ELAVL3: variants seen among roughly 807,000 people sequenced by gnomAD.
ELAVL3 encodes the protein ELAV like RNA binding protein 3, also known as ELAV-like protein 3.
ELAVL3 carries 8 observed loss-of-function variants against 34.2 expected under a neutral mutation model. The observed-to-expected ratio is 0.23, with a 90% CI of 0.14 to 0.42. The LOEUF (loss-of-function observed/expected upper bound fraction) is 0.42. Ranked by LOEUF, ELAVL3 falls within the 10% of genes least tolerant of loss-of-function variation. The pLI is 1.00. For missense variants in ELAVL3, 273 were observed against 518.8 expected (o/e 0.53, Z 4.60); for synonymous variants, 209 against 222.1 (o/e 0.94, Z 0.53).
chr19:11,462,308 A>G (rs916103238), intron 3 of ELAVL3, among the ~76,000 whole-genome samples: 2 of 151,956 alleles, frequency 1.3e-5, no homozygotes, highest in Non-Finnish European at 1.5e-5. Context: ...AAAAAATCAC[A>G]TCAGCCATTG....
rs1256591230 is a variant in ELAVL3, at chr19:11,458,639, G to A, written c.334-28C>T. The A allele has an allele frequency of 2.5e-6, 4 of 1,611,218 alleles. No homozygotes were observed. Among genetic ancestry groups the A allele is most frequent in the Admixed American group, 3.3e-5 (2 of 59,952 alleles). Reference sequence around the variant, plus strand: ...GGGTGAGGGGGTCAGATGGACAGGGGTGAGGCAGAGACCCATTTCACAGAT... The same window carrying A: ...GGGTGAGGGGGTCAGATGGACAGGGATGAGGCAGAGACCCATTTCACAGAT... On this transcript the variant is annotated intron_variant, in intron 3 of 6. Transcript: ENST00000359227. The surrounding 1 kb of genome is among the most constrained non-coding windows in gnomAD (Gnocchi z 7.3).
intron 1 of ELAVL3, among the ~76,000 whole-genome samples, chr19:11,479,504 G>C (rs961967873): frequency 6.6e-6 from 1 of 152,090 alleles, no homozygotes; most frequent in Non-Finnish European, 1.5e-5. Context: ...CAAAGGACGC[G>C]CGGCGGCGCG....
In ELAVL3 at chr19:11,454,429, T is replaced by C; in HGVS notation, c.*97A>G. 8.2e-7 allele frequency: 1 copy of C among 1,215,602 alleles called. No individual in the cohort carries two copies. Among genetic ancestry groups the C allele is most frequent in the Non-Finnish European group, 1.1e-6 (1 of 894,600 alleles). 75.3% of individuals were successfully genotyped at this position (1,215,602 alleles called of 1,614,324 possible). ...CTCGCGTCGTCCGTGGGGCTGCCTG[T>C]GCTGTCTCTCTTGGGCCCCTTCTCT... On this transcript the variant is annotated 3_prime_UTR_variant, in exon 7 of 7. Transcript: ENST00000359227. This position sits in a 1 kb window ranked among gnomAD's most constrained non-coding sequence, Gnocchi z 9.2.
At position 11,466,077 on chromosome 19, in the gene ELAVL3, A is replaced by G. The variant is rs1971046687; in HGVS notation, c.333+95T>C. 1 of 1,099,668 alleles carries G rather than the reference A, an allele frequency of 9.1e-7. No homozygotes were observed. The highest frequency in any genetic ancestry group is 2.4e-5 in the East Asian group (1 of 41,244). The allele number at this position is 1,099,668 out of a possible 1,614,324, so 68.1% of individuals were successfully genotyped here. On this transcript the variant is annotated intron_variant, in intron 3 of 6. Transcript: ENST00000359227. This position sits in a 1 kb window ranked among gnomAD's most constrained non-coding sequence, Gnocchi z 5.0. ...GGGGATGAGTCCTGAAAGGCAGTGG[A>G]CATGGATGCATGGGGGCGGGTAGGT...
At chr19:11,479,556 T>G (rs964871619) in intron 1 of ELAVL3, among the ~76,000 whole-genome samples, 1 of 147,978 alleles carries the variant, frequency 6.8e-6, no homozygotes, top group African/African-American at 2.5e-5. Context: ...GGAGCCGGGG[T>G]GGGGCTATAA....
rs751905611 is a variant in ELAVL3, at chr19:11,454,889, G to A, written c.753-12C>T. On this transcript the variant is annotated splice_polypyrimidine_tract_variant and intron_variant, in intron 6 of 6. Transcript: ENST00000359227. This position sits in a 1 kb window ranked among gnomAD's most constrained non-coding sequence, Gnocchi z 9.2. ...TGAGCGACAGGGGACTACTTTGGGG[G>A]TCACGCGGGCTCTGCCCTGACCCCC... 2 of 1,585,162 alleles carry A rather than the reference G, an allele frequency of 1.3e-6. No individual in the cohort carries two copies. The highest frequency in any genetic ancestry group is 8.5e-7 in the Non-Finnish European group (1 of 1,170,126).
In ELAVL3 at chr19:11,451,487, G is replaced by GTTTTTTTTTTTTTTTTTTTTTTTT. The variant is rs976179986; in HGVS notation, c.*3038_*3039insAAAAAAAAAAAAAAAAAAAAAAAA. On this transcript the variant is annotated 3_prime_UTR_variant, in exon 7 of 7. Coordinates refer to ENST00000359227, the MANE Select transcript of ELAVL3 (RefSeq NM_001420.4). ...GGTTTTTTTTTTTTTTTTGTCTTTT[G>GTTTTTTTTTTTTTTTTTTTTTTTT]TTTTGTCTTTTTTTTTTTTTTTTTT... is the stretch of plus-strand genomic sequence containing the variant. 1.2e-5 allele frequency: 1 copy of GTTTTTTTTTTTTTTTTTTTTTTTT among 84,522 alleles called. No homozygotes were observed. The highest frequency in any genetic ancestry group is 2.6e-5 in the Non-Finnish European group (1 of 39,064). 5.2% of individuals were successfully genotyped at this position (84,522 alleles called of 1,614,324 possible).
At position 11,461,692 on chromosome 19, in the gene ELAVL3, G is replaced by A. The variant is rs902285820; in HGVS notation, c.334-3081C>T. Among the ~76,000 whole-genome samples the A allele has an allele frequency of 5.3e-5, 8 of 151,790 alleles. No individual in the cohort carries two copies. In the South Asian group the frequency reaches 6.3e-4, roughly 12 times the overall value. ...GGTTCACCACAGCCTTGACCCCCCC[G>A]GGCTCCAGCAATCCTCCCACCCTCG... On this transcript the variant is annotated intron_variant, in intron 3 of 6. Coordinates refer to ENST00000359227, the MANE Select transcript of ELAVL3 (RefSeq NM_001420.4).
intron 5 of ELAVL3, 43 bp from the exon 6 acceptor site, chr19:11,457,191 G>C: frequency 6.5e-7 from 1 of 1,534,090 alleles, no homozygotes; most frequent in African/African-American, 1.4e-5. Flanking sequence ...TTCCAGTCAC[G>C]CCCCCCTGCT....
intron 3 of ELAVL3, among the ~76,000 whole-genome samples, chr19:11,462,174 CAAAAA>C (rs775716481): frequency 2.7e-5 from 2 of 73,726 alleles, no homozygotes; most frequent in Admixed American, 1.5e-4. Flanking sequence ...GACTCCGTCT[CAAAAA>C]AAAAAAAAAA....
At chr19:11,457,460 G>T (rs888389540) in intron 5 of ELAVL3, among the ~76,000 whole-genome samples, 1 of 152,212 alleles carries the variant, frequency 6.6e-6, no homozygotes, top group African/African-American at 2.4e-5. Flanking sequence ...TAACAAAGGC[G>T]ACAGTAACTA....
chr19:11,464,165 ATATTTTT>A (rs1246763873), intron 3 of ELAVL3, among the ~76,000 whole-genome samples: 8 of 111,062 alleles, frequency 7.2e-5, no homozygotes, highest in African/African-American at 2.3e-4. Context: ...ATATATATAT[ATATTTTT>A]TTTTTTTTTA....
chr19:11,473,645 C>G (rs1337513291), intron 1 of ELAVL3, among the ~76,000 whole-genome samples: 2 of 152,190 alleles, frequency 1.3e-5, no homozygotes, highest in Non-Finnish European at 2.9e-5. Flanking sequence ...TTTCCTCCCC[C>G]ACTTCACCCC....
chr19:11,466,579 G>C lies in ELAVL3; in HGVS notation c.229+29C>G. ...CTGTATTTCTGAGGCTACCACCTCT[G>C]TTCCTCCCCGCAACTCCAGCAGCCA... On this transcript the variant is annotated intron_variant, in intron 2 of 6. Coordinates refer to ENST00000359227, the MANE Select transcript of ELAVL3 (RefSeq NM_001420.4). The surrounding 1 kb of genome is among the most constrained non-coding windows in gnomAD (Gnocchi z 5.0). 6.2e-7 allele frequency: 1 copy of C among 1,611,374 alleles called. No individual in the cohort carries two copies. Among genetic ancestry groups the C allele is most frequent in the African/African-American group, 1.3e-5 (1 of 74,844 alleles).
At chr19:11,457,498 AG>A (rs2144879454) in intron 5 of ELAVL3, among the ~76,000 whole-genome samples, 1 of 152,296 alleles carries the variant, frequency 6.6e-6, no homozygotes, top group East Asian at 1.9e-4. Context: ...GCAGCACTTG[AG>A]GGGGTGGGTA....
chr19:11,464,700 ACCACACACAC>A (rs1970979306), intron 3 of ELAVL3, among the ~76,000 whole-genome samples: 1 of 137,754 alleles, frequency 7.3e-6, no homozygotes, highest in African/African-American at 2.8e-5. Context: ...ACACACATAC[ACCACACACAC>A]CACACACACA....
At chr19:11,476,716 C>T (rs188453223) in intron 1 of ELAVL3, among the ~76,000 whole-genome samples, 327 of 152,072 alleles carry the variant, frequency 2.2e-3, no homozygotes, top group African/African-American at 7.4e-3. Flanking sequence ...CTGGCCAACA[C>T]AGCGAACTCT....
At chr19:11,457,192 C>A (rs746612360) in intron 5 of ELAVL3, 44 bp from the exon 6 acceptor site, 29 of 1,534,200 alleles carry the variant, frequency 1.9e-5, no homozygotes, top group Non-Finnish European at 2.5e-5. Context: ...TCCAGTCACG[C>A]CCCCCTGCTG....
Sources: gnomAD v4.1 joint callset for allele counts (sites outside exome capture counted in the v4.1 genomes callset) on GRCh38, gnomAD v4.1.1 for gene constraint, Gnocchi (gnomAD v3.1) non-coding constraint, MANE v1.5 for transcripts, NCBI Gene and HGNC (gene_info 2026-07-23, HGNC 2026-07-21) for gene names.